KCNN3: variants seen among roughly 807,000 people sequenced by gnomAD.
KCNN3 encodes the protein small conductance calcium-activated potassium channel protein 3.
Under a neutral mutation model 62.9 loss-of-function variants are expected in KCNN3, and 16 were observed. The ratio of observed to expected loss-of-function variants is 0.25; its 90% CI spans 0.17 to 0.39. KCNN3 has a LOEUF of 0.39. Among genes scored for constraint, KCNN3 ranks in the 10% least tolerant of loss-of-function variants. The pLI is 1.00. For missense variants in KCNN3, 599 were observed against 949.4 expected, an observed-to-expected ratio of 0.63 and a Z score of 4.85; for synonymous variants, 370 against 389.2, an observed-to-expected ratio of 0.95 and a Z score of 0.58.
At chr1:154,768,461 C>T (rs1648396202) in intron 3 of KCNN3, among the ~76,000 whole-genome samples, 1 of 152,188 alleles carries the variant, frequency 6.6e-6, no homozygotes, top group African/African-American at 2.4e-5. Context: ...GGGAGTTTTA[C>T]TGGGGCTGCT....
intron 3 of KCNN3, among the ~76,000 whole-genome samples, chr1:154,754,123 A>G (rs1030407293): frequency 6.6e-6 from 1 of 152,218 alleles, no homozygotes; most frequent in Admixed American, 6.5e-5. Flanking sequence ...GAATTGCATG[A>G]TGGAGGGCCT....
In KCNN3 at chr1:154,823,196, G is replaced by C. The variant is rs371653895; in HGVS notation, c.934-1012C>G. 4.4e-4 allele frequency among the ~76,000 whole-genome samples: 67 copies of C among 152,292 alleles called. 1 individual carries two copies. The South Asian group carries it at 0.013, about 31-fold the overall frequency. ...CTGGGTTGGAACTTGGTGCACCTCT[G>C]GGCATTTCGAAGCTGGAAGTAGAGA... On this transcript the variant is annotated intron_variant, in intron 1 of 7. Transcript: ENST00000271915.
chr1:154,732,353 C>T (rs757472163), intron 4 of KCNN3, among the ~76,000 whole-genome samples: 10 of 152,224 alleles, frequency 6.6e-5, no homozygotes, highest in Non-Finnish European at 8.8e-5. Context: ...TGAAAGGGCA[C>T]GGCACACCTG....
intron 1 of KCNN3, among the ~76,000 whole-genome samples, chr1:154,861,331 T>C (rs187534145): frequency 2.0e-5 from 3 of 152,180 alleles, no homozygotes; most frequent in Admixed American, 1.3e-4. Flanking sequence ...TGTGCAGAAC[T>C]CTGCAGCCCT....
intron 1 of KCNN3, among the ~76,000 whole-genome samples, chr1:154,857,110 C>A (rs1652565799): frequency 6.6e-6 from 1 of 152,180 alleles, no homozygotes; most frequent in African/African-American, 2.4e-5. Context: ...GTGCTGAACC[C>A]CCAGAACCAA....
intron 1 of KCNN3, among the ~76,000 whole-genome samples, chr1:154,834,228 C>T (rs1018409915): frequency 6.6e-6 from 1 of 152,338 alleles, no homozygotes; most frequent in South Asian, 2.1e-4. Context: ...AGCAATGGGG[C>T]ACGACACGAG....
At chr1:154,780,042 C>T (rs550422792) in intron 2 of KCNN3, among the ~76,000 whole-genome samples, 1 of 152,296 alleles carries the variant, frequency 6.6e-6, no homozygotes, top group African/African-American at 2.4e-5. Context: ...CTCTGCAGGG[C>T]CTGGGACAGG....
At chr1:154,746,879 T>C (rs1700949722) in intron 3 of KCNN3, among the ~76,000 whole-genome samples, 1 of 152,250 alleles carries the variant, frequency 6.6e-6, no homozygotes, top group African/African-American at 2.4e-5. Flanking sequence ...GGCAGAATCC[T>C]GTGCTGTAAA....
At chr1:154,714,290 TGTGTATGGTGTGTGTGTGGTTTGTGTGAG>T (rs1700164050) in intron 6 of KCNN3, among the ~76,000 whole-genome samples, 2 of 42,914 alleles carry the variant, frequency 4.7e-5, no homozygotes, top group Admixed American at 2.5e-4. Flanking sequence ...TGGTGTGTGG[TGTGTATGGTGTGTGTGTGGTTTGTGTGAG>T]GTGTGTGTGT....
At chr1:154,765,483 C>G in intron 3 of KCNN3, among the ~76,000 whole-genome samples, 1 of 152,122 alleles carries the variant, frequency 6.6e-6, no homozygotes, top group African/African-American at 2.4e-5. Context: ...TTTCATTTTG[C>G]TAAAACAATT....
At chr1:154,865,895 G>A (rs984137765) in intron 1 of KCNN3, among the ~76,000 whole-genome samples, 2 of 152,114 alleles carry the variant, frequency 1.3e-5, no homozygotes, top group Admixed American at 6.5e-5. Context: ...CCACTGGATG[G>A]GCAGAATTAC....
chr1:154,810,081 G>T (rs541133140), intron 2 of KCNN3, among the ~76,000 whole-genome samples: 22 of 152,280 alleles, frequency 1.4e-4, no homozygotes, highest in African/African-American at 5.3e-4. Flanking sequence ...GCAGGGAAGT[G>T]GGGGCATTTA....
intron 1 of KCNN3, among the ~76,000 whole-genome samples, chr1:154,857,284 G>A (rs191916976): frequency 2.2e-4 from 34 of 152,314 alleles, no homozygotes; most frequent in African/African-American, 6.7e-4. Context: ...ACAGAGCTGC[G>A]GCAAGAACAC....
intron 1 of KCNN3, among the ~76,000 whole-genome samples, chr1:154,839,491 C>G (rs1651737022): frequency 6.6e-6 from 1 of 152,192 alleles, no homozygotes; most frequent in African/African-American, 2.4e-5. Flanking sequence ...GAAAGGTCCC[C>G]ATGCAGTGAG....
chr1:154,802,909 C>A (rs917244893), intron 2 of KCNN3, among the ~76,000 whole-genome samples: 1 of 152,204 alleles, frequency 6.6e-6, no homozygotes, highest in Non-Finnish European at 1.5e-5. Flanking sequence ...GCTGCACCAG[C>A]CTTTCTACTT....
At chr1:154,746,974 A>G (rs1700951279) in intron 3 of KCNN3, among the ~76,000 whole-genome samples, 1 of 151,936 alleles carries the variant, frequency 6.6e-6, no homozygotes, top group African/African-American at 2.4e-5. Flanking sequence ...ACTAAGCTCA[A>G]CCGATCCCCA....
rs575327738 is a variant in KCNN3 at position 154,862,511 on chromosome 1, G to A, written c.933+6521C>T. On this transcript the variant is annotated intron_variant, in intron 1 of 7. Transcript: ENST00000271915. This position sits in a 1 kb window ranked among gnomAD's most constrained non-coding sequence, Gnocchi z 4.1. Reference sequence around the variant, plus strand: ...GGGGTCCTGCTGGCCCTCCAGGGGTGGAAGGTGGGGGTGCTAGGGGCTGTG... The same window carrying A: ...GGGGTCCTGCTGGCCCTCCAGGGGTAGAAGGTGGGGGTGCTAGGGGCTGTG... 6.6e-6 allele frequency among the ~76,000 whole-genome samples: 1 copy of A among 152,154 alleles called. No homozygotes were observed. The highest frequency in any genetic ancestry group is 1.5e-5 in the Non-Finnish European group (1 of 68,016).
intron 2 of KCNN3, among the ~76,000 whole-genome samples, chr1:154,804,608 G>T (rs376494924): frequency 1.3e-5 from 2 of 152,044 alleles, no homozygotes; most frequent in African/African-American, 4.8e-5. Flanking sequence ...CTGGCACTGA[G>T]TAGGGAATCG....
At chr1:154,812,580 T>C (rs770917128) in intron 2 of KCNN3, among the ~76,000 whole-genome samples, 1 of 152,208 alleles carries the variant, frequency 6.6e-6, no homozygotes, top group Admixed American at 6.5e-5. Flanking sequence ...GCTGAGCACT[T>C]GTTCCCCATG....
Sources: allele counts gnomAD v4.1 joint callset (sites outside exome capture counted in the v4.1 genomes callset), GRCh38; gene constraint gnomAD v4.1.1; non-coding constraint Gnocchi (gnomAD v3.1); transcripts MANE v1.5; gene names NCBI Gene and HGNC (gene_info 2026-07-23, HGNC 2026-07-21).